Variants in CCDC60 observed in about 807,000 individuals in gnomAD.
CCDC60 encodes the protein coiled-coil domain containing 60, also known as coiled-coil domain-containing protein 60.
A neutral mutation model predicts 63.5 loss-of-function variants in CCDC60; 54 were observed. The ratio of observed to expected loss-of-function variants is 0.85; its 90% CI spans 0.68 to 1.07. The LOEUF is 1.07. Ranked by LOEUF, CCDC60 falls within the 50% of genes least tolerant of loss-of-function variation. CCDC60 has a pLI of 0.00. For synonymous variants in CCDC60, 206 were observed against 238.8 expected, an observed-to-expected ratio of 0.86 and a Z score of 1.27; for missense variants, 651 against 684.3, an observed-to-expected ratio of 0.95 and a Z score of 0.54.
At chr12:119,492,448 T>TG (rs939731466) in intron 5 of CCDC60, among the ~76,000 whole-genome samples, 45 of 152,170 alleles carry the variant, frequency 3.0e-4, no homozygotes, top group African/African-American at 1.0e-3. Flanking sequence ...ATTATGAATC[T>TG]GGGGGGCAGT....
At chr12:119,338,362 A>C (rs1955495698) in intron 1 of CCDC60, among the ~76,000 whole-genome samples, 1 of 152,192 alleles carries the variant, frequency 6.6e-6, no homozygotes, top group South Asian at 2.1e-4. Context: ...GTATGCATGC[A>C]TCATGTGCCA....
intron 1 of CCDC60, among the ~76,000 whole-genome samples, chr12:119,384,262 A>T: frequency 6.6e-6 from 1 of 152,190 alleles, no homozygotes; most frequent in Non-Finnish European, 1.5e-5. Flanking sequence ...GTGAAGGCAG[A>T]AAGGTGTCAA....
intron 1 of CCDC60, among the ~76,000 whole-genome samples, chr12:119,389,750 C>A (rs916116531): frequency 1.2e-4 from 19 of 152,134 alleles, no homozygotes; most frequent in African/African-American, 2.4e-5. Flanking sequence ...CTACCCACCT[C>A]CCATCACTTC....
intron 1 of CCDC60, among the ~76,000 whole-genome samples, chr12:119,401,805 A>G (rs142339901): frequency 6.6e-6 from 1 of 152,348 alleles, no homozygotes; most frequent in Non-Finnish European, 1.5e-5. Context: ...TAATTCTTGT[A>G]ACGCCCTGGT....
chr12:119,416,202 A>G (rs1234688666), intron 1 of CCDC60, among the ~76,000 whole-genome samples: 2 of 151,922 alleles, frequency 1.3e-5, no homozygotes, highest in Non-Finnish European at 2.9e-5. Context: ...ACCAACATGG[A>G]GAAACCCATC....
At chr12:119,489,009 G>A in intron 5 of CCDC60, 143 bp downstream of exon 5, 1 of 679,172 alleles carries the variant, frequency 1.5e-6, no homozygotes. Flanking sequence ...TGTGGGATCT[G>A]AACAGGGGAG....
chr12:119,462,803 T>C (rs1950880400), intron 2 of CCDC60, among the ~76,000 whole-genome samples: 2 of 149,144 alleles, frequency 1.3e-5, no homozygotes, highest in African/African-American at 4.9e-5. Flanking sequence ...TTTATTTATT[T>C]ATTTATTTAT....
intron 7 of CCDC60, among the ~76,000 whole-genome samples, chr12:119,507,443 C>T (rs1593188237): frequency 1.4e-5 from 2 of 145,406 alleles, no homozygotes; most frequent in East Asian, 2.0e-4. Flanking sequence ...TATATATACA[C>T]ATATATATAC....
At chr12:119,460,182 CTT>C (rs982924144) in intron 2 of CCDC60, among the ~76,000 whole-genome samples, 6 of 152,146 alleles carry the variant, frequency 3.9e-5, no homozygotes, top group Non-Finnish European at 7.3e-5. Context: ...AGAAAAGACT[CTT>C]AATCTCACAG....
intron 8 of CCDC60, among the ~76,000 whole-genome samples, chr12:119,519,563 A>G (rs1004394126): frequency 1.4e-4 from 21 of 150,890 alleles, no homozygotes; most frequent in Non-Finnish European, 7.4e-5. Flanking sequence ...CCCTGGTTCA[A>G]GCGATTCTTC....
chr12:119,530,930 A>G lies in CCDC60; in HGVS notation c.1418A>G (p.Lys473Arg), dbSNP rs1952823571. 1 of 1,614,052 alleles carries G rather than the reference A, an allele frequency of 6.2e-7. No homozygotes were observed. Among genetic ancestry groups the G allele is most frequent in the South Asian group, 1.1e-5 (1 of 91,068 alleles). Residue 473 changes from lysine to arginine, a missense_variant, in exon 13 of 14, where the codon AAA becomes AGA. Physicochemically the swap from Lys to Arg is conservative, Grantham distance 26. Transcript: ENST00000327554. ...PEDLKNFRPA[K>R]KILVKLQKFG... ...GATCTAAAGAACTTCCGCCCCGCCA[A>G]AAAGATCCTGGTGAAACTGCAGAAG...
chr12:119,520,314 T>TG, intron 9 of CCDC60, 122 bp downstream of exon 9: 1 of 783,036 alleles, frequency 1.3e-6, no homozygotes, highest in Non-Finnish European at 2.1e-6. Context: ...AACTTTTTCC[T>TG]TCTTATGACC....
chr12:119,441,907 T>C (rs1950453521), intron 2 of CCDC60, among the ~76,000 whole-genome samples: 1 of 152,190 alleles, frequency 6.6e-6, no homozygotes, highest in African/African-American at 2.4e-5. Flanking sequence ...AGAAGATACC[T>C]AAAAGTGAAA....
At chr12:119,448,139 A>T (rs755682385) in intron 2 of CCDC60, among the ~76,000 whole-genome samples, 13 of 151,982 alleles carry the variant, frequency 8.6e-5, no homozygotes, top group Non-Finnish European at 1.6e-4. Flanking sequence ...TGTATACTTG[A>T]CATTTGCTTA....
chr12:119,478,443 G>A (rs1227257807), intron 3 of CCDC60, among the ~76,000 whole-genome samples: 2 of 151,822 alleles, frequency 1.3e-5, no homozygotes, highest in African/African-American at 4.8e-5. Context: ...ACCTAAATAT[G>A]GTATTAAATT....
rs373098083 is a variant in CCDC60, at chr12:119,472,034, G to T, written c.211G>T (p.Ala71Ser). ...QSVKIGRGYF[A>S]ILREETAKKK... ...TGTGAAGATAGGCCGTGGATATTTTGCTATTCTGAGGGAAGAGACTGCAAA... is the reference window on the plus strand; with the variant it reads ...TGTGAAGATAGGCCGTGGATATTTTTCTATTCTGAGGGAAGAGACTGCAAA... The change falls in exon 3 of 14, where the codon GCT becomes TCT. Residue 71 changes from alanine to serine, a missense_variant. Ala to Ser is a moderately conservative substitution (Grantham distance 99, BLOSUM62 1). Transcript: ENST00000327554. 6.2e-6 allele frequency: 10 copies of T among 1,613,904 alleles called. No homozygotes were observed. In the African/African-American group the frequency reaches 1.2e-4, roughly 19 times the overall value.
In CCDC60 at chr12:119,478,368, C is replaced by G. The variant is rs955557538; in HGVS notation, c.342-726C>G. On this transcript the variant is annotated intron_variant, in intron 3 of 13. Coordinates refer to ENST00000327554, the MANE Select transcript of CCDC60 (RefSeq NM_178499.5). ...CAAGCATGACAACAACCACCCCCCCCCAAAAAAAATCCTATTTTCTATAAC... is the reference window on the plus strand; with the variant it reads ...CAAGCATGACAACAACCACCCCCCCGCAAAAAAAATCCTATTTTCTATAAC... Among the ~76,000 whole-genome samples the G allele has an allele frequency of 3.4e-4, 51 of 151,420 alleles. 1 individual carries two copies. Among genetic ancestry groups the G allele is most frequent in the Admixed American group, 3.4e-3 (51 of 15,218 alleles).
At chr12:119,437,701 G>A (rs61938104) in intron 2 of CCDC60, among the ~76,000 whole-genome samples, 10,122 of 152,254 alleles carry the variant, frequency 0.066, 322 homozygotes, top group East Asian at 0.088. Flanking sequence ...TCCATAGCCA[G>A]TAGCCCAGAA....
At chr12:119,474,143 A>G (rs1951127428) in intron 3 of CCDC60, among the ~76,000 whole-genome samples, 1 of 152,232 alleles carries the variant, frequency 6.6e-6, no homozygotes, top group Non-Finnish European at 1.5e-5. Context: ...ACAACGCAAT[A>G]CCACCTTACT....
Sources: allele counts gnomAD v4.1 joint callset (sites outside exome capture counted in the v4.1 genomes callset), GRCh38; gene constraint gnomAD v4.1.1; transcripts MANE v1.5; gene names NCBI Gene and HGNC (gene_info 2026-07-23, HGNC 2026-07-21).